The following PTPRC variants were observed in gnomAD, a reference collection of about 807,000 sequenced individuals.
PTPRC encodes the protein receptor-type tyrosine-protein phosphatase C.
In PTPRC, 44 loss-of-function variants were observed where a neutral mutation model predicts 155.9. The ratio of observed to expected loss-of-function variants is 0.28; its 90% CI spans 0.22 to 0.36. The LOEUF is 0.36. Among genes scored for constraint, PTPRC ranks in the 10% least tolerant of loss-of-function variants. The probability of loss-of-function intolerance (pLI) is 1.00; values close to 1 mark genes in which losing one functional copy is unlikely to be tolerated. For synonymous variants in PTPRC, 525 were observed against 533.1 expected, an observed-to-expected ratio of 0.98 and a Z score of 0.21; for missense variants, 1,401 against 1,564.6, an observed-to-expected ratio of 0.90 and a Z score of 1.76.
chr1:198,735,092 A>C (rs1553243504), intron 22 of PTPRC, 35 bp from the exon 23 acceptor site: 1 of 1,519,450 alleles, frequency 6.6e-7, no homozygotes, highest in Non-Finnish European at 8.9e-7. Flanking sequence ...GCTTAAATTA[A>C]AAATTAAAAT....
At chr1:198,670,003 C>T (rs79273924) in intron 2 of PTPRC, among the ~76,000 whole-genome samples, 5,081 of 152,124 alleles carry the variant, frequency 0.033, 125 homozygotes, top group Non-Finnish European at 0.046. Flanking sequence ...CACCTTAATA[C>T]GGAACTGTAA....
chr1:198,679,945 G>T, intron 2 of PTPRC: 1 of 623,622 alleles, frequency 1.6e-6, no homozygotes, highest in South Asian at 1.8e-5. Flanking sequence ...CTCGTCCACC[G>T]TCGCCCTGGC....
chr1:198,693,457 A>AT (rs1666034864), intron 3 of PTPRC, among the ~76,000 whole-genome samples: 2 of 152,292 alleles, frequency 1.3e-5, no homozygotes, highest in East Asian at 3.9e-4. Flanking sequence ...CCAGATGGTT[A>AT]TTTTTGCAGG....
At chr1:198,742,770 C>T (rs902411045) in intron 25 of PTPRC, among the ~76,000 whole-genome samples, 4 of 151,744 alleles carry the variant, frequency 2.6e-5, no homozygotes, top group Admixed American at 2.0e-4. Context: ...ATTATTAATA[C>T]GAGGGTGAGT....
intron 2 of PTPRC, among the ~76,000 whole-genome samples, chr1:198,658,127 T>G (rs1571791852): frequency 6.6e-6 from 1 of 152,324 alleles, no homozygotes; most frequent in Non-Finnish European, 1.5e-5. Flanking sequence ...AGTTTCTTTC[T>G]GCTTTAAGCA....
At chr1:198,749,921 CT>C (rs1655302303) in intron 28 of PTPRC, among the ~76,000 whole-genome samples, 2 of 151,922 alleles carry the variant, frequency 1.3e-5, no homozygotes, top group South Asian at 4.1e-4. Context: ...TGGTTAGAAA[CT>C]TTTCATTCAG....
chr1:198,645,972 TG>T (rs1662916851), intron 2 of PTPRC, among the ~76,000 whole-genome samples: 1 of 151,782 alleles, frequency 6.6e-6, no homozygotes, highest in Non-Finnish European at 1.5e-5. Flanking sequence ...AACTTACCTT[TG>T]TCCATTCCTC....
At chr1:198,675,346 A>T (rs1001882315) in intron 2 of PTPRC, among the ~76,000 whole-genome samples, 8 of 152,262 alleles carry the variant, frequency 5.3e-5, no homozygotes, top group African/African-American at 1.9e-4. Flanking sequence ...AAATTCCCAA[A>T]ACTTTCTCAT....
At chr1:198,679,830 G>T in intron 2 of PTPRC, 1 of 556,818 alleles carries the variant, frequency 1.8e-6, no homozygotes, top group South Asian at 2.4e-5. Context: ...TGCCGGGAGC[G>T]TCCGGGTCTG....
intron 2 of PTPRC, among the ~76,000 whole-genome samples, chr1:198,646,362 G>C (rs1662938054): frequency 6.6e-6 from 1 of 151,688 alleles, no homozygotes; most frequent in Non-Finnish European, 1.5e-5. Flanking sequence ...CTTTTCTAAA[G>C]GTAATTCTTC....
In PTPRC at chr1:198,756,232, A is replaced by AT. The variant is rs1332829890; in HGVS notation, c.*56dup. ...AAACCTCCTGTTAGCTGTTATTTCT[A>AT]TTTTTGTAGAAGTAGGAAGTGAAAA... is the stretch of plus-strand genomic sequence containing the variant. On this transcript the variant is annotated 3_prime_UTR_variant, in exon 33 of 33. Coordinates refer to ENST00000442510, the MANE Select transcript of PTPRC (RefSeq NM_002838.5). 2 of 1,604,940 alleles carry AT rather than the reference A, an allele frequency of 1.2e-6. No homozygotes were observed. Among genetic ancestry groups the AT allele is most frequent in the African/African-American group, 1.3e-5 (1 of 74,660 alleles).
rs1216486272 is a variant in PTPRC, at chr1:198,755,940, G to A, written c.3680G>A (p.Ser1227Asn). ...QYQFLYDVIA[S>N]TYPAQNGQVK... Reference sequence around the variant, plus strand: ...CAATTCCTATATGACGTCATTGCCAGCACCTACCCTGCTCAGAATGGACAA... The same window carrying A: ...CAATTCCTATATGACGTCATTGCCAACACCTACCCTGCTCAGAATGGACAA... The change falls in exon 33 of 33, where the codon AGC becomes AAC. Residue 1227 changes from serine (S) to asparagine (N), a missense_variant. Ser to Asn is a conservative substitution (Grantham distance 46). Coordinates refer to ENST00000442510, the MANE Select transcript of PTPRC (RefSeq NM_002838.5). The A allele has an allele frequency of 1.2e-6, 2 of 1,612,478 alleles. No individual in the cohort carries two copies. Among genetic ancestry groups the A allele is most frequent in the Non-Finnish European group, 1.7e-6 (2 of 1,178,900 alleles).
At chr1:198,719,617 G>T (rs1378463604) in intron 14 of PTPRC, among the ~76,000 whole-genome samples, 3 of 151,716 alleles carry the variant, frequency 2.0e-5, no homozygotes, top group Non-Finnish European at 4.4e-5. Flanking sequence ...TTTTGTTGTT[G>T]TTTTTTGTTT....
chr1:198,706,012 G>A (rs534789416), intron 8 of PTPRC, among the ~76,000 whole-genome samples: 7 of 152,114 alleles, frequency 4.6e-5, no homozygotes, highest in Non-Finnish European at 8.8e-5. Context: ...CCTCCACACT[G>A]GATTATACAT....
intron 13 of PTPRC, among the ~76,000 whole-genome samples, chr1:198,717,805 A>C (rs1653666413): frequency 6.7e-6 from 1 of 150,348 alleles, no homozygotes. Flanking sequence ...CCTCTTCCCC[A>C]CTCCCTTCCC....
chr1:198,692,986 C>A lies in PTPRC; in HGVS notation c.100+613C>A, dbSNP rs1235927008. The A allele has an allele frequency of 4.3e-6, 4 of 935,046 alleles. No homozygotes were observed. In the East Asian group the frequency reaches 3.5e-4, roughly 82 times the overall value. The allele number at this position is 935,046 out of a possible 1,614,324, so 57.9% of individuals were successfully genotyped here. ...CAAAATAAGAGAAAAAATTAAATTG[C>A]AGATGGTTAAATATCACATCACTTA... On this transcript the variant is annotated intron_variant, in intron 3 of 32. Coordinates refer to ENST00000442510, the MANE Select transcript of PTPRC (RefSeq NM_002838.5).
intron 2 of PTPRC, among the ~76,000 whole-genome samples, chr1:198,656,837 A>T (rs1663609068): frequency 6.6e-6 from 1 of 151,792 alleles, no homozygotes; most frequent in Non-Finnish European, 1.5e-5. Context: ...GATGGAGATA[A>T]AACTGTGGCA....
intron 28 of PTPRC, among the ~76,000 whole-genome samples, chr1:198,749,945 A>G (rs1655303206): frequency 6.6e-6 from 1 of 151,894 alleles, no homozygotes; most frequent in African/African-American, 2.4e-5. Flanking sequence ...AAACTGAATT[A>G]TTAGGTGAGT....
At chr1:198,704,731 G>T (rs1325145156) in intron 8 of PTPRC, among the ~76,000 whole-genome samples, 1 of 152,178 alleles carries the variant, frequency 6.6e-6, no homozygotes, top group Non-Finnish European at 1.5e-5. Context: ...GAAGACAAGG[G>T]TTGGGAAACT....
Sources: gnomAD v4.1 joint callset for allele counts (sites outside exome capture counted in the v4.1 genomes callset) on GRCh38, gnomAD v4.1.1 for gene constraint, MANE v1.5 for transcripts, NCBI Gene and HGNC (gene_info 2026-07-23, HGNC 2026-07-21) for gene names.